NUP160: variants seen among roughly 807,000 people sequenced by gnomAD.
NUP160 encodes the protein nuclear pore complex protein Nup160.
Under a neutral mutation model 196.9 loss-of-function variants are expected in NUP160, and 94 were observed. That is an observed-to-expected ratio of 0.48 (90% CI 0.40 to 0.57). The LOEUF is 0.57. Among genes scored for constraint, NUP160 ranks in the 20% least tolerant of loss-of-function variants. The probability of loss-of-function intolerance (pLI) is 0.00; values close to 1 mark genes in which losing one functional copy is unlikely to be tolerated. For synonymous variants in NUP160, 605 were observed against 619.7 expected, an observed-to-expected ratio of 0.98 and a Z score of 0.35; for missense variants, 1,638 against 1,748.3, an observed-to-expected ratio of 0.94 and a Z score of 1.13.
intron 4 of NUP160, among the ~76,000 whole-genome samples, chr11:47,838,947 T>C (rs1852239026): frequency 6.7e-6 from 1 of 150,124 alleles, no homozygotes; most frequent in African/African-American, 2.4e-5. Context: ...GAGATTGCAG[T>C]GAGCTGAGAT....
At chr11:47,796,194 G>C in intron 27 of NUP160, 1 of 302,830 alleles carries the variant, frequency 3.3e-6, no homozygotes, top group East Asian at 5.6e-5. Context: ...CGGAAGCCCA[G>C]ACACCAGGAA....
chr11:47,793,585 A>G (rs938162087), intron 27 of NUP160, among the ~76,000 whole-genome samples: 4 of 152,166 alleles, frequency 2.6e-5, no homozygotes, highest in African/African-American at 9.7e-5. Context: ...TCTCAAAGAG[A>G]TATTTCTACA....
At chr11:47,843,258 A>G (rs926317953) in intron 2 of NUP160, among the ~76,000 whole-genome samples, 22 of 151,608 alleles carry the variant, frequency 1.5e-4, no homozygotes, top group Middle Eastern at 6.3e-3. Context: ...TCTTGAACCC[A>G]CTCCACTGAG....
chr11:47,834,783 A>C (rs1852142734), intron 7 of NUP160, among the ~76,000 whole-genome samples: 1 of 152,170 alleles, frequency 6.6e-6, no homozygotes, highest in Non-Finnish European at 1.5e-5. Flanking sequence ...TAGGGACATA[A>C]GAAGACTGTC....
At chr11:47,815,041 ACCAATATGATGAAACC>A in intron 13 of NUP160, 1 of 152,348 alleles carries the variant, frequency 6.6e-6, no homozygotes, top group Non-Finnish European at 1.5e-5. Flanking sequence ...GACCCACCTG[ACCAATATGATGAAACC>A]CCACCTCTAC....
exon 12 of NUP160, chr11:47,816,010 T>A: frequency 6.2e-7 from 1 of 1,613,450 alleles, no homozygotes; most frequent in Non-Finnish European, 8.5e-7. Flanking sequence ...CAAATTCCTC[T>A]CAGTTCCTCG....
chr11:47,827,066 G>A (rs1266893542), intron 7 of NUP160: 5 of 455,882 alleles, frequency 1.1e-5, no homozygotes, highest in East Asian at 7.0e-5. Context: ...CAATATAAAG[G>A]GCACTTACGA....
intron 10 of NUP160, among the ~76,000 whole-genome samples, chr11:47,818,399 T>TA (rs1851780822): frequency 6.6e-6 from 1 of 152,206 alleles, no homozygotes; most frequent in Non-Finnish European, 1.5e-5. Flanking sequence ...ATGCCAATCT[T>TA]AAATGGAAGA....
intron 13 of NUP160, 67 bp from the exon 14 acceptor site, chr11:47,813,482 T>C (rs2097682317): frequency 2.0e-6 from 2 of 1,016,090 alleles, no homozygotes; most frequent in South Asian, 1.3e-5. Context: ...ATAATTGAGA[T>C]GTGCATCTTA....
rs1852446841 is a variant in NUP160, at chr11:47,848,355, G to A, written c.66C>T (p.Cys22=). Reference sequence around the variant, plus strand: ...CGCCGCGACGCCCAACGGAACAAAGGCAGGGCCGCGCGGTCGCCGTCACTT... The same window carrying A: ...CGCCGCGACGCCCAACGGAACAAAGACAGGGCCGCGCGGTCGCCGTCACTT... The change falls in exon 1 of 36, where the codon TGC becomes TGT. Residue 22 remains cysteine, a synonymous_variant. Coordinates refer to ENST00000378460, the Ensembl canonical transcript of NUP160. 2 of 1,611,922 alleles carry A rather than the reference G, an allele frequency of 1.2e-6. No homozygotes were observed. Among genetic ancestry groups the A allele is most frequent in the Non-Finnish European group, 1.7e-6 (2 of 1,179,128 alleles).
exon 30 of NUP160, chr11:47,788,551 C>A (rs781637948): frequency 1.2e-6 from 2 of 1,614,006 alleles, no homozygotes; most frequent in East Asian, 2.2e-5. Context: ...GAGGCGGATG[C>A]GAGCCAAGGA....
rs184637987 is a variant in NUP160 at position 47,837,164 on chromosome 11, C to T, written c.828-163G>A. Among the ~76,000 whole-genome samples, 97 of 152,278 alleles carry T rather than the reference C, an allele frequency of 6.4e-4. 1 individual carries two copies. Among genetic ancestry groups the T allele is most frequent in the Admixed American group, 3.7e-3 (56 of 15,282 alleles). The stretch of plus-strand genomic sequence containing the variant: ...ACAACTACATTTCTATTTGGTTTAT[C>T]GCCAATTACTATAATAAAATTTAAA... On this transcript the variant is annotated intron_variant, in intron 5 of 35. Transcript: ENST00000378460.
intron 33 of NUP160, 111 bp downstream of exon 33, chr11:47,784,811 G>A: frequency 1.3e-6 from 1 of 789,724 alleles, no homozygotes; most frequent in Non-Finnish European, 1.9e-6. Context: ...CAATGTGCGG[G>A]CATGACAGGT....
chr11:47,807,284 T>C (rs2097678285), intron 18 of NUP160, 144 bp from the exon 19 acceptor site: 2 of 607,838 alleles, frequency 3.3e-6, no homozygotes, highest in Non-Finnish European at 5.8e-6. Flanking sequence ...AAATTGGAAA[T>C]CATTATAATA....
In NUP160 at chr11:47,807,153, G is replaced by C; in HGVS notation, c.2376-13C>G. The C allele has an allele frequency of 6.4e-7, 1 of 1,567,878 alleles. No homozygotes were observed. Among genetic ancestry groups the C allele is most frequent in the Non-Finnish European group, 8.8e-7 (1 of 1,139,080 alleles). On this transcript the variant is annotated splice_polypyrimidine_tract_variant and intron_variant, in intron 18 of 35. Coordinates refer to ENST00000378460, the Ensembl canonical transcript of NUP160. ...GAGATTAGACTCCCTGTGAGAAAAG[G>C]GGAAAAGACAGCTTAGTAAATTCTC...
Position 47,822,020 on chromosome 11 carries a change from A to G in NUP160, c.1179+67T>C, listed in dbSNP as rs1202462278. On this transcript the variant is annotated intron_variant, in intron 8 of 35. Coordinates refer to ENST00000378460, the Ensembl canonical transcript of NUP160. ...TTTAAGACTACAATCCCATTATACC[A>G]TAACAGAGTTAGTCAATACTTCTTT... 3.5e-6 allele frequency: 4 copies of G among 1,127,646 alleles called. No individual in the cohort carries two copies. In the Admixed American group the frequency reaches 5.7e-5, roughly 16 times the overall value. The allele number at this position is 1,127,646 out of a possible 1,614,324, so 69.9% of individuals were successfully genotyped here. A position where few individuals can be genotyped will look rare whatever the true frequency, so the allele number is the denominator to read the frequency against.
upstream of NUP160, chr11:47,848,483 G>T (rs1202177948): frequency 1.5e-6 from 2 of 1,297,684 alleles, no homozygotes; most frequent in African/African-American, 1.5e-5. Flanking sequence ...GAATGAGGGT[G>T]GGCAGCGAGG....
intron 33 of NUP160, 113 bp from the exon 34 acceptor site, chr11:47,783,311 A>G (rs2097662564): frequency 7.5e-7 from 1 of 1,338,784 alleles, no homozygotes; most frequent in Non-Finnish European, 1.0e-6. Context: ...ATATAATTAA[A>G]CCAGTGGCTT....
intron 2 of NUP160, chr11:47,841,534 G>A (rs1019176121): frequency 1.4e-5 from 6 of 426,698 alleles, no homozygotes; most frequent in African/African-American, 1.1e-4. Flanking sequence ...GGTCCAACAT[G>A]TGAGCTGAAA....
Sources: gnomAD v4.1 joint callset for allele counts (sites outside exome capture counted in the v4.1 genomes callset) on GRCh38, gnomAD v4.1.1 for gene constraint, MANE v1.5 for transcripts, NCBI Gene and HGNC (gene_info 2026-07-23, HGNC 2026-07-21) for gene names.